STPG2: variants seen among roughly 807,000 people sequenced by gnomAD.
STPG2 encodes the protein sperm tail PG-rich repeat containing 2.
STPG2 carries 56 observed loss-of-function variants against 54.2 expected under a neutral mutation model. That is an observed-to-expected ratio of 1.03 (90% confidence interval 0.83 to 1.29). The LOEUF (loss-of-function observed/expected upper bound fraction) is 1.29. Among genes scored for constraint, STPG2 ranks in the 50% most tolerant of loss-of-function variants. The pLI is 0.00. For missense variants in STPG2, 596 were observed against 544.9 expected (o/e 1.09, Z -0.93); for synonymous variants, 200 against 181.8 (o/e 1.10, Z -0.81).
intron 3 of STPG2, among the ~76,000 whole-genome samples, chr4:98,125,207 G>T (rs1264653778): frequency 1.3e-5 from 2 of 152,186 alleles, no homozygotes; most frequent in African/African-American, 4.8e-5. Flanking sequence ...GCCCAGTTCT[G>T]TGTCCTTGCT....
intron 10 of STPG2, among the ~76,000 whole-genome samples, chr4:97,609,645 G>A (rs1226766531): frequency 6.6e-6 from 1 of 151,864 alleles, no homozygotes; most frequent in Non-Finnish European, 1.5e-5. Flanking sequence ...GTCTAATGGG[G>A]ATGTTTGTAA....
intron 9 of STPG2, among the ~76,000 whole-genome samples, chr4:97,758,290 A>G (rs529540439): frequency 3.9e-5 from 6 of 152,322 alleles, no homozygotes; most frequent in African/African-American, 1.4e-4. Flanking sequence ...AGACATTTAT[A>G]AAAATCATTC....
At chr4:97,554,034 T>C (rs1313345290), downstream of STPG2, among the ~76,000 whole-genome samples, 2 of 152,218 alleles carry the variant, frequency 1.3e-5, no homozygotes, top group African/African-American at 4.8e-5. Context: ...CCGTTATCTT[T>C]AACTCTTCTA....
chr4:97,658,931 C>G (rs1407632324), intron 10 of STPG2, among the ~76,000 whole-genome samples: 1 of 152,092 alleles, frequency 6.6e-6, no homozygotes, highest in African/African-American at 2.4e-5. Context: ...TTCTCTGTCC[C>G]TATTATCCTC....
intron 9 of STPG2, among the ~76,000 whole-genome samples, chr4:97,795,992 T>C (rs910091061): frequency 9.2e-5 from 14 of 152,236 alleles, no homozygotes; most frequent in Admixed American, 2.6e-4. Context: ...GCTGCATAAA[T>C]GTCTTCCTTT....
intron 9 of STPG2, among the ~76,000 whole-genome samples, chr4:97,796,381 G>A (rs1209905824): frequency 6.6e-6 from 1 of 152,128 alleles, no homozygotes; most frequent in Non-Finnish European, 1.5e-5. Context: ...TTTTTTATAA[G>A]GTGTAAGGAA....
chr4:97,478,290 A>G (rs1730127622), intron 4 of STPG2, among the ~76,000 whole-genome samples: 1 of 152,236 alleles, frequency 6.6e-6, no homozygotes, highest in Non-Finnish European at 1.5e-5. Context: ...AAAATTATAA[A>G]TATAAAACGA....
intron 9 of STPG2, among the ~76,000 whole-genome samples, chr4:97,772,665 C>T (rs1250006216): frequency 6.6e-6 from 1 of 152,018 alleles, no homozygotes; most frequent in African/African-American, 2.4e-5. Context: ...TTATTTAGAC[C>T]ATGAGTCCTA....
At chr4:97,964,620 A>G (rs1219959121) in intron 7 of STPG2, among the ~76,000 whole-genome samples, 2 of 152,190 alleles carry the variant, frequency 1.3e-5, no homozygotes, top group East Asian at 3.8e-4. Context: ...AATAAAATAA[A>G]TAACAATTCA....
chr4:97,944,635 G>C (rs1004194395), intron 7 of STPG2, among the ~76,000 whole-genome samples: 9 of 151,968 alleles, frequency 5.9e-5, no homozygotes, highest in Non-Finnish European at 1.3e-4. Context: ...ATATGCAAAA[G>C]GGGTAAGAAT....
At chr4:97,764,415 C>T (rs902949549) in intron 9 of STPG2, among the ~76,000 whole-genome samples, 1 of 152,066 alleles carries the variant, frequency 6.6e-6, no homozygotes, top group Non-Finnish European at 1.5e-5. Flanking sequence ...ATTTCGTGCA[C>T]TATTGTATTT....
At chr4:97,938,430 T>G (rs1732840519) in intron 8 of STPG2, among the ~76,000 whole-genome samples, 1 of 30,998 alleles carries the variant, frequency 3.2e-5, no homozygotes, top group Admixed American at 3.6e-4. Flanking sequence ...TCAGTTGTCT[T>G]AGGCAGTCAG....
intron 9 of STPG2, among the ~76,000 whole-genome samples, chr4:97,747,963 G>A (rs1215691604): frequency 6.6e-6 from 1 of 151,374 alleles, no homozygotes; most frequent in East Asian, 1.9e-4. Context: ...AGACATAAGG[G>A]GAAATCTTCT....
At chr4:97,625,434 C>A (rs1048802926) in intron 10 of STPG2, among the ~76,000 whole-genome samples, 8 of 152,084 alleles carry the variant, frequency 5.3e-5, no homozygotes, top group African/African-American at 1.9e-4. Flanking sequence ...CTCAGCCTCC[C>A]GAGTAGCTGG....
chr4:97,552,801 CT>C (rs1731993942), intron 4 of STPG2, among the ~76,000 whole-genome samples: 2 of 152,018 alleles, frequency 1.3e-5, no homozygotes, highest in South Asian at 4.1e-4. Context: ...TACAAGAACA[CT>C]TTTTTCAAGT....
chr4:97,943,036 G>T (rs1395280160), intron 8 of STPG2, among the ~76,000 whole-genome samples: 1 of 152,126 alleles, frequency 6.6e-6, no homozygotes, highest in Non-Finnish European at 1.5e-5. Context: ...CTGCAGGCTG[G>T]AAAGTTCAAC....
chr4:97,639,623 G>A (rs893806123), intron 10 of STPG2, among the ~76,000 whole-genome samples: 5 of 151,700 alleles, frequency 3.3e-5, no homozygotes, highest in East Asian at 1.9e-4. Context: ...TACATATTAC[G>A]GTTGAAAGGA....
chr4:97,910,326 G>T (rs1031958803), intron 8 of STPG2, among the ~76,000 whole-genome samples: 1 of 152,200 alleles, frequency 6.6e-6, no homozygotes, highest in East Asian at 1.9e-4. Context: ...TTATGGAAAG[G>T]TCGGGGAAAA....
intron 4 of STPG2, among the ~76,000 whole-genome samples, chr4:97,451,034 A>G (rs1321469440): frequency 6.6e-6 from 1 of 152,150 alleles, no homozygotes; most frequent in East Asian, 1.9e-4. Flanking sequence ...ACCAATGTTC[A>G]GAGGGGGAAG....
Sources: allele counts gnomAD v4.1 joint callset (sites outside exome capture counted in the v4.1 genomes callset), GRCh38; gene constraint gnomAD v4.1.1; transcripts MANE v1.5; gene names NCBI Gene and HGNC (gene_info 2026-07-23, HGNC 2026-07-21).